DCLK1: variants seen among roughly 807,000 people sequenced by gnomAD.
DCLK1 encodes serine/threonine-protein kinase DCLK1.
In DCLK1, 16 loss-of-function variants were observed where a neutral mutation model predicts 86.2. That is an observed-to-expected ratio of 0.19 (90% confidence interval 0.13 to 0.28). The LOEUF is 0.28. Ranked by LOEUF, DCLK1 falls within the 10% of genes least tolerant of loss-of-function variation. The probability of loss-of-function intolerance (pLI) is 1.00; values close to 1 mark genes in which losing one functional copy is unlikely to be tolerated. For synonymous variants in DCLK1, 369 were observed against 370.5 expected (o/e 1.00, Z 0.05); for missense variants, 590 against 940.2 (o/e 0.63, Z 4.87).
At chr13:36,103,839 C>T (rs1427044661) in intron 3 of DCLK1, among the ~76,000 whole-genome samples, 1 of 152,146 alleles carries the variant, frequency 6.6e-6, no homozygotes, top group Admixed American at 6.5e-5. Flanking sequence ...ATTGGCCCAC[C>T]ACCAATTTTT....
chr13:36,086,856 T>C (rs1884627006), intron 3 of DCLK1, among the ~76,000 whole-genome samples: 1 of 152,196 alleles, frequency 6.6e-6, no homozygotes, highest in Non-Finnish European at 1.5e-5. Flanking sequence ...ACATTTTCTT[T>C]ATCTAGTCTA....
intron 3 of DCLK1, among the ~76,000 whole-genome samples, chr13:36,073,330 G>A (rs557360357): frequency 1.3e-5 from 2 of 151,946 alleles, no homozygotes; most frequent in Non-Finnish European, 2.9e-5. Context: ...ATTTTTAAGG[G>A]CCTCTTATGG....
In DCLK1 at chr13:35,972,630, G is replaced by T. The variant is rs116563175; in HGVS notation, c.724-25173C>A. On this transcript the variant is annotated intron_variant, in intron 3 of 16. Coordinates refer to ENST00000360631, the MANE Select transcript of DCLK1 (RefSeq NM_001330071.2). ...GAGCAAGTGGCATGTTAGAGAGGTA[G>T]CAAGGAGATGGGGTGGGGGGCAGCA... Among the ~76,000 whole-genome samples the T allele has an allele frequency of 5.9e-3, 895 of 152,214 alleles. 15 individuals carry two copies. The highest frequency in any genetic ancestry group is 0.021 in the African/African-American group (856 of 41,516).
chr13:35,989,372 A>G (rs1880102739), intron 3 of DCLK1, among the ~76,000 whole-genome samples: 1 of 152,098 alleles, frequency 6.6e-6, no homozygotes, highest in Non-Finnish European at 1.5e-5. Context: ...CCTGGGTTCA[A>G]GTGATTCTCC....
Position 35,854,582 on chromosome 13 carries a change from G to T in DCLK1, c.952C>A (p.Pro318Thr). 1 of 1,593,670 alleles carries T rather than the reference G, an allele frequency of 6.3e-7. No individual in the cohort carries two copies. The highest frequency in any genetic ancestry group is 1.1e-5 in the South Asian group (1 of 88,026). ...PASTSSVNGT[P>T]GSQLSTPRSG... Reference sequence around the variant, plus strand: ...CGCGGAGTAGAGAGCTGACTACCAGGGGTTCCATTAACTAGAAATACAAAG... The same window carrying T: ...CGCGGAGTAGAGAGCTGACTACCAGTGGTTCCATTAACTAGAAATACAAAG... Residue 318 changes from proline (P) to threonine (T), a missense_variant, in exon 6 of 17, where the codon CCT becomes ACT. This residue lies in a region of DCLK1 where 195 missense variants were observed against 365.1 expected (regional missense o/e 0.53). Transcript: ENST00000360631.
intron 4 of DCLK1, among the ~76,000 whole-genome samples, chr13:35,943,525 A>G (rs1442932088): frequency 6.6e-6 from 1 of 152,190 alleles, no homozygotes; most frequent in Non-Finnish European, 1.5e-5. Flanking sequence ...TGATAAAAAA[A>G]CAGAATAATC....
At chr13:35,864,422 G>A (rs367546407) in intron 5 of DCLK1, among the ~76,000 whole-genome samples, 1 of 120,506 alleles carries the variant, frequency 8.3e-6, no homozygotes, top group South Asian at 2.7e-4. Context: ...AAAATTAGCC[G>A]GGCGTAGTGG....
intron 3 of DCLK1, among the ~76,000 whole-genome samples, chr13:36,081,400 A>G (rs1418124891): frequency 6.6e-6 from 1 of 152,066 alleles, no homozygotes; most frequent in East Asian, 1.9e-4. Context: ...ATGAAGCAGA[A>G]AAAAAAATTC....
At position 35,773,144 on chromosome 13, in the gene DCLK1, A is replaced by C. The variant is rs1248011140; in HGVS notation, c.*1391T>G. 2 of 152,548 alleles carry C rather than the reference A, an allele frequency of 1.3e-5. No individual in the cohort carries two copies. The highest frequency in any genetic ancestry group is 6.5e-5 in the Admixed American group (1 of 15,272). The allele number at this position is 152,548 out of a possible 1,614,324, so 9.4% of individuals were successfully genotyped here. A position where few individuals can be genotyped will look rare whatever the true frequency, so the allele number is the denominator to read the frequency against. ...CCTGTGAATCCCCATTCTAAAATGG[A>C]ATCTGTTCCAGAAGAAACTCAGGCC... On this transcript the variant is annotated 3_prime_UTR_variant, in exon 17 of 17. Transcript: ENST00000360631.
chr13:35,805,359 C>T lies in DCLK1; in HGVS notation c.1944+340G>A, dbSNP rs564276843. 2.2e-4 allele frequency: 53 copies of T among 237,742 alleles called. 1 individual carries two copies. In the Admixed American group the frequency reaches 2.3e-3, roughly 10 times the overall value. The allele number at this position is 237,742 out of a possible 1,614,324, so 14.7% of individuals were successfully genotyped here. A position where few individuals can be genotyped will look rare whatever the true frequency, so the allele number is the denominator to read the frequency against. On this transcript the variant is annotated intron_variant, in intron 15 of 16. Transcript: ENST00000360631. ...TCATTCAGGTTGGAGTGCAGTGGCA[C>T]GATCTTGGCTTACTACCACCTCTGG...
intron 4 of DCLK1, among the ~76,000 whole-genome samples, chr13:35,889,992 C>T (rs1171070): frequency 0.94 from 143,116 of 152,228 alleles, 67,314 homozygotes; most frequent in Middle Eastern, 0.98. Flanking sequence ...AAAGGATATC[C>T]GAACAGATTT....
chr13:35,908,332 T>C (rs1195251796), intron 4 of DCLK1, among the ~76,000 whole-genome samples: 1 of 152,206 alleles, frequency 6.6e-6, no homozygotes, highest in Non-Finnish European at 1.5e-5. Flanking sequence ...AGCTTTCTCA[T>C]CATCCAAAGA....
Position 35,797,951 on chromosome 13 carries a change from G to A in DCLK1, c.1945-4472C>T, listed in dbSNP as rs144030969. ...AAAATGTGCTACGAATTTTCTAAAC[G>A]TGACAAATCTGGCAGTATTTTACAA... On this transcript the variant is annotated intron_variant, in intron 15 of 16. Transcript: ENST00000360631. Among the ~76,000 whole-genome samples, 61 of 152,162 alleles carry A rather than the reference G, an allele frequency of 4.0e-4. 1 individual carries two copies. Among genetic ancestry groups the A allele is most frequent in the South Asian group, 1.9e-3 (9 of 4,810 alleles).
intron 5 of DCLK1, chr13:35,855,746 T>C (rs1871013095): frequency 9.8e-6 from 13 of 1,328,942 alleles, no homozygotes; most frequent in Non-Finnish European, 1.2e-5. Flanking sequence ...GGTTCTGTCT[T>C]AGGCTACATC....
At chr13:35,859,908 G>A (rs978109402) in intron 5 of DCLK1, among the ~76,000 whole-genome samples, 10 of 152,154 alleles carry the variant, frequency 6.6e-5, no homozygotes, top group Admixed American at 5.2e-4. Flanking sequence ...TTGCAGTCGC[G>A]TTCCTAAAAG....
Position 35,808,301 on chromosome 13 carries a change from C to T in DCLK1, c.1786G>A (p.Val596Met). 1 of 1,614,102 alleles carries T rather than the reference C, an allele frequency of 6.2e-7. No individual in the cohort carries two copies. Among genetic ancestry groups the T allele is most frequent in the Non-Finnish European group, 8.5e-7 (1 of 1,179,982 alleles). Residue 596 changes from valine (V) to methionine (M), a missense_variant, in exon 14 of 17, where the codon GTG becomes ATG. Coordinates refer to ENST00000360631, the MANE Select transcript of DCLK1 (RefSeq NM_001330071.2). ...PFRGSGDDQE[V>M]LFDQILMGQV... ...CCCATCAAAATCTGATCAAAAAGCA[C>T]CTCCTGGTCATCACCACTTCTGTTT...
At chr13:36,049,398 A>C (rs1288478266) in intron 3 of DCLK1, among the ~76,000 whole-genome samples, 1 of 152,198 alleles carries the variant, frequency 6.6e-6, no homozygotes, top group Non-Finnish European at 1.5e-5. Context: ...CATTTAATGC[A>C]CTGTGGCAAT....
At chr13:35,985,984 G>A (rs1879884187) in intron 3 of DCLK1, among the ~76,000 whole-genome samples, 2 of 152,110 alleles carry the variant, frequency 1.3e-5, no homozygotes, top group South Asian at 2.1e-4. Context: ...GATATTAAGA[G>A]TTCGTGAGGT....
chr13:35,956,901 A>G (rs1878018108), intron 3 of DCLK1, among the ~76,000 whole-genome samples: 1 of 152,202 alleles, frequency 6.6e-6, no homozygotes, highest in African/African-American at 2.4e-5. Flanking sequence ...AACCCATACA[A>G]AATGCTCCTC....
Sources: allele counts gnomAD v4.1 joint callset (sites outside exome capture counted in the v4.1 genomes callset), GRCh38; gene constraint gnomAD v4.1.1; regional missense constraint gnomAD v4.1.1; transcripts MANE v1.5; gene names NCBI Gene and HGNC (gene_info 2026-07-23, HGNC 2026-07-21).